Variants in ACBD6 observed in about 807,000 individuals in gnomAD.
The protein encoded by ACBD6 is acyl-CoA-binding domain-containing protein 6.
A neutral mutation model predicts 37.2 loss-of-function variants in ACBD6; 28 were observed. The ratio of observed to expected loss-of-function variants is 0.75; its 90% CI spans 0.56 to 1.03. ACBD6 has a LOEUF of 1.03. Ranked by LOEUF, ACBD6 falls within the 50% of genes least tolerant of loss-of-function variation. The probability of loss-of-function intolerance (pLI) is 0.00; values close to 1 mark genes in which losing one functional copy is unlikely to be tolerated. For missense variants in ACBD6, 340 were observed against 337.4 expected (o/e 1.01, Z -0.06); for synonymous variants, 113 against 126.8 (o/e 0.89, Z 0.73).
chr1:180,490,484 A>G (rs1651449704), intron 3 of ACBD6, among the ~76,000 whole-genome samples: 1 of 151,622 alleles, frequency 6.6e-6, no homozygotes, highest in Non-Finnish European at 1.5e-5. Flanking sequence ...CTCTACAAAA[A>G]AAAAAAAGAG....
chr1:180,358,553 C>T (rs1652720286), intron 6 of ACBD6, among the ~76,000 whole-genome samples: 1 of 33,688 alleles, frequency 3.0e-5, no homozygotes, highest in Admixed American at 4.5e-4. Context: ...CATACAGAAA[C>T]CCCAAAAAAA....
chr1:180,340,335 C>T lies in ACBD6; in HGVS notation c.664-25613G>A, dbSNP rs187238996. Reference sequence around the variant, plus strand: ...AAGGAGTGATCAACTGTGCCACATGCTGCTGATAGGTCAGGTATGGTAAAG... The same window carrying T: ...AAGGAGTGATCAACTGTGCCACATGTTGCTGATAGGTCAGGTATGGTAAAG... On this transcript the variant is annotated intron_variant, in intron 6 of 7. Coordinates refer to ENST00000367595, the MANE Select transcript of ACBD6 (RefSeq NM_032360.4). Among the ~76,000 whole-genome samples the T allele has an allele frequency of 1.9e-4, 29 of 152,240 alleles. No homozygotes were observed. The East Asian group carries it at 5.4e-3, about 28-fold the overall frequency.
At chr1:180,331,606 A>G (rs1190382711) in intron 6 of ACBD6, among the ~76,000 whole-genome samples, 1 of 152,196 alleles carries the variant, frequency 6.6e-6, no homozygotes, top group African/African-American at 2.4e-5. Flanking sequence ...ATTGGGCTAC[A>G]ATATATTTTG....
rs74132475 is a variant in ACBD6, at chr1:180,365,319, A to G, written c.663+32197T>C. On this transcript the variant is annotated intron_variant, in intron 6 of 7. Transcript: ENST00000367595. ...TTTGCAGATTTTTCAAGAGAAGTCTAAAATCTGTACTTTTATATGAAATTA... is the reference window on the plus strand; with the variant it reads ...TTTGCAGATTTTTCAAGAGAAGTCTGAAATCTGTACTTTTATATGAAATTA... Among the ~76,000 whole-genome samples, 285 of 152,324 alleles carry G rather than the reference A, an allele frequency of 1.9e-3. 2 individuals carry two copies. Among genetic ancestry groups the G allele is most frequent in the African/African-American group, 6.7e-3 (280 of 41,568 alleles).
intron 6 of ACBD6, among the ~76,000 whole-genome samples, chr1:180,355,230 C>A (rs942026851): frequency 1.3e-5 from 2 of 152,204 alleles, no homozygotes; most frequent in Admixed American, 1.3e-4. Context: ...TGTCCAAGGT[C>A]ACATGATTTG....
rs563593369 is a variant in ACBD6, at chr1:180,412,911, T to C, written c.573+455A>G. Among the ~76,000 whole-genome samples the C allele has an allele frequency of 1.3e-4, 20 of 152,314 alleles. No homozygotes were observed. The South Asian group carries it at 1.7e-3, about 13-fold the overall frequency. On this transcript the variant is annotated intron_variant, in intron 5 of 7. Transcript: ENST00000367595. ...ATATATTTTATAAAATAATTTACTA[T>C]AGGATTCCTTTAATTAGTAGGCCAG...
chr1:180,459,472 T>C (rs1650047300), intron 3 of ACBD6, among the ~76,000 whole-genome samples: 1 of 152,204 alleles, frequency 6.6e-6, no homozygotes, highest in Non-Finnish European at 1.5e-5. Context: ...AACATCCTGA[T>C]GAAGATAGGC....
At chr1:180,282,695 G>A (rs746013554) in intron 8 of ACBD6, among the ~76,000 whole-genome samples, 1 of 152,124 alleles carries the variant, frequency 6.6e-6, no homozygotes, top group Admixed American at 6.5e-5. Flanking sequence ...AAAGCTGGAG[G>A]AATACAATAA....
intron 3 of ACBD6, among the ~76,000 whole-genome samples, chr1:180,455,590 G>C (rs557517993): frequency 6.6e-6 from 1 of 152,122 alleles, no homozygotes; most frequent in South Asian, 2.1e-4. Context: ...AAAAAGTTCA[G>C]ATACTTGAAA....
intron 6 of ACBD6, among the ~76,000 whole-genome samples, chr1:180,384,009 A>G (rs1014236037): frequency 6.6e-6 from 1 of 152,182 alleles, no homozygotes; most frequent in African/African-American, 2.4e-5. Context: ...CACCATATAT[A>G]AAAATCAACT....
At chr1:180,386,557 A>G (rs908958504) in intron 6 of ACBD6, among the ~76,000 whole-genome samples, 4 of 152,126 alleles carry the variant, frequency 2.6e-5, no homozygotes, top group Non-Finnish European at 4.4e-5. Flanking sequence ...TCTGATGACA[A>G]AAAAAGTTAG....
chr1:180,445,466 T>C (rs1649438713), intron 3 of ACBD6, among the ~76,000 whole-genome samples: 1 of 152,182 alleles, frequency 6.6e-6, no homozygotes, highest in Non-Finnish European at 1.5e-5. Flanking sequence ...TCAAAACGAG[T>C]CTATAAAGCT....
At chr1:180,453,622 T>C (rs1351832200) in intron 3 of ACBD6, among the ~76,000 whole-genome samples, 1 of 152,216 alleles carries the variant, frequency 6.6e-6, no homozygotes, top group African/African-American at 2.4e-5. Flanking sequence ...TGTTTACAGA[T>C]GGCATGATTG....
chr1:180,360,619 T>C (rs1278704249), intron 6 of ACBD6, among the ~76,000 whole-genome samples: 2 of 152,184 alleles, frequency 1.3e-5, no homozygotes, highest in Non-Finnish European at 2.9e-5. Context: ...TGCCCTATGC[T>C]AGTAAATTCT....
chr1:180,439,718 A>G, intron 3 of ACBD6, among the ~76,000 whole-genome samples: 1 of 152,142 alleles, frequency 6.6e-6, no homozygotes, highest in Non-Finnish European at 1.5e-5. Context: ...TATCTTGGTT[A>G]TGATTCTCTG....
rs926854822 is a variant in ACBD6 at position 180,413,447 on chromosome 1, A to C, written c.492T>G (p.Asp164Glu). 1 of 1,612,818 alleles carries C rather than the reference A, an allele frequency of 6.2e-7. No individual in the cohort carries two copies. The highest frequency in any genetic ancestry group is 8.5e-7 in the Non-Finnish European group (1 of 1,179,642). Residue 164 changes from aspartate to glutamate, a missense_variant, in exon 5 of 8, where the codon GAT becomes GAG. Asp to Glu is a conservative substitution (Grantham distance 45). Transcript: ENST00000367595. Reference sequence around the variant, plus strand: ...GGTCAATGTTGTTTTCCCTGCAGTAATCAAATATATTTTTGTCTTCTTCCC... The same window carrying C: ...GGTCAATGTTGTTTTCCCTGCAGTACTCAAATATATTTTTGTCTTCTTCCC... ...TIREEDKNIF[D>E]YCRENNIDHI...
At chr1:180,479,984 G>T (rs1284671974) in intron 3 of ACBD6, among the ~76,000 whole-genome samples, 1 of 151,960 alleles carries the variant, frequency 6.6e-6, no homozygotes, top group Non-Finnish European at 1.5e-5. Context: ...GCCAGACCCT[G>T]TCTCAAAACC....
rs1284331203 is a variant in ACBD6 at position 180,502,284 on chromosome 1, G to C, written c.-18C>G. 6.2e-7 allele frequency: 1 copy of C among 1,610,998 alleles called. No individual in the cohort carries two copies. The highest frequency in any genetic ancestry group is 1.3e-5 in the African/African-American group (1 of 74,886). On this transcript the variant is annotated 5_prime_UTR_variant, in exon 1 of 8. Transcript: ENST00000367595. ...GAAGCCATGTCTCCTTGCTCGCTCC[G>C]TCCCTCTGTGTCCGGTCTGTCCTCC...
At chr1:180,344,857 A>G (rs1652115292) in intron 6 of ACBD6, among the ~76,000 whole-genome samples, 1 of 152,212 alleles carries the variant, frequency 6.6e-6, no homozygotes, top group Non-Finnish European at 1.5e-5. Flanking sequence ...AATGCAGTTA[A>G]AATTTTTTAT....
Sources: gnomAD v4.1 joint callset for allele counts (sites outside exome capture counted in the v4.1 genomes callset) on GRCh38, gnomAD v4.1.1 for gene constraint, MANE v1.5 for transcripts, NCBI Gene and HGNC (gene_info 2026-07-23, HGNC 2026-07-21) for gene names.